ERO1B: variants seen among roughly 807,000 people sequenced by gnomAD.
ERO1B encodes the protein ERO1-like protein beta.
Under a neutral mutation model 75.3 loss-of-function variants are expected in ERO1B, and 49 were observed. The ratio of observed to expected loss-of-function variants is 0.65; its 90% CI spans 0.52 to 0.83. The LOEUF (loss-of-function observed/expected upper bound fraction) is 0.83. Among genes scored for constraint, ERO1B ranks in the 40% least tolerant of loss-of-function variants. The probability of loss-of-function intolerance (pLI) is 0.00; values close to 1 mark genes in which losing one functional copy is unlikely to be tolerated. For synonymous variants in ERO1B, 191 were observed against 192.9 expected (o/e 0.99, Z 0.08); for missense variants, 512 against 560.1 (o/e 0.91, Z 0.87).
chr1:236,271,002 A>G (rs376400906), intron 1 of ERO1B, among the ~76,000 whole-genome samples: 47 of 152,294 alleles, frequency 3.1e-4, no homozygotes, highest in African/African-American at 1.1e-3. Flanking sequence ...ATAAAATTAT[A>G]TGGAACTAAT....
chr1:236,228,651 C>A (rs1664330930), intron 10 of ERO1B, among the ~76,000 whole-genome samples: 1 of 152,206 alleles, frequency 6.6e-6, no homozygotes, highest in Non-Finnish European at 1.5e-5. Context: ...AAAGGGGTTG[C>A]ATTTACTGTA....
At chr1:236,280,115 C>T (rs1257285562) in intron 1 of ERO1B, among the ~76,000 whole-genome samples, 1 of 151,796 alleles carries the variant, frequency 6.6e-6, no homozygotes, top group East Asian at 1.9e-4. Flanking sequence ...TAGTCCCCAT[C>T]TCTACACAAG....
chr1:236,264,688 A>G (rs527738899), intron 2 of ERO1B, among the ~76,000 whole-genome samples: 1 of 152,080 alleles, frequency 6.6e-6, no homozygotes, highest in East Asian at 1.9e-4. Flanking sequence ...TACTATAAAT[A>G]TAAAAATTAG....
intron 2 of ERO1B, 101 bp downstream of exon 2, chr1:236,269,774 T>C: frequency 2.3e-6 from 2 of 860,614 alleles, no homozygotes; most frequent in Non-Finnish European, 3.6e-6. Context: ...ATGAAAGATA[T>C]ACACAAGGTG....
intron 2 of ERO1B, among the ~76,000 whole-genome samples, chr1:236,258,851 T>C (rs1665227523): frequency 6.6e-6 from 1 of 152,186 alleles, no homozygotes; most frequent in Non-Finnish European, 1.5e-5. Context: ...ATCGTGCCAC[T>C]GCACTCCAGC....
At position 236,221,911 on chromosome 1, in the gene ERO1B, A is replaced by G. The variant is rs1250970351; in HGVS notation, c.1209+13T>C. 4 of 1,599,142 alleles carry G rather than the reference A, an allele frequency of 2.5e-6. No individual in the cohort carries two copies. The highest frequency in any genetic ancestry group is 2.2e-5 in the East Asian group (1 of 44,756). On this transcript the variant is annotated intron_variant, in intron 14 of 15. Transcript: ENST00000354619. Reference sequence around the variant, plus strand: ...GTTAGTAATGGCTTCAAAAGAGAAGACAACACATATACCTGTAATTTTCCC... The same window carrying G: ...GTTAGTAATGGCTTCAAAAGAGAAGGCAACACATATACCTGTAATTTTCCC...
At chr1:236,243,361 A>G in intron 6 of ERO1B, 61 bp downstream of exon 6, 3 of 1,177,312 alleles carry the variant, frequency 2.5e-6, no homozygotes, top group Non-Finnish European at 2.4e-6. Context: ...TTCATTGATT[A>G]AAATGTCTTA....
Position 236,228,883 on chromosome 1 carries a change from G to C in ERO1B, c.712+1341C>G, listed in dbSNP as rs139151306. Among the ~76,000 whole-genome samples the C allele has an allele frequency of 2.9e-3, 434 of 152,258 alleles. 1 individual carries two copies. Among genetic ancestry groups the C allele is most frequent in the Non-Finnish European group, 4.5e-3 (308 of 68,022 alleles). ...CTCAAAACAGTAAGACTGGAAGAAT[G>C]GTTGATATAATATACATAGAATCCA... On this transcript the variant is annotated intron_variant, in intron 10 of 15. Transcript: ENST00000354619.
intron 3 of ERO1B, 137 bp from the exon 4 acceptor site, chr1:236,252,228 TTG>T (rs1665047243): frequency 1.6e-6 from 1 of 624,562 alleles, no homozygotes. Flanking sequence ...CTCACTCAAA[TTG>T]TGTTTTCACA....
At chr1:236,241,894 C>T (rs1664713829) in intron 6 of ERO1B, among the ~76,000 whole-genome samples, 2 of 151,806 alleles carry the variant, frequency 1.3e-5, no homozygotes, top group Non-Finnish European at 2.9e-5. Flanking sequence ...TGGTGAAACC[C>T]CGTCTCTACT....
At chr1:236,230,064 A>G (rs1043788580) in intron 10 of ERO1B, among the ~76,000 whole-genome samples, 160 bp downstream of exon 10, 4 of 152,188 alleles carry the variant, frequency 2.6e-5, no homozygotes, top group African/African-American at 9.7e-5. Flanking sequence ...CAAACTTTTC[A>G]CATAATTTTA....
chr1:236,243,385 G>A, intron 6 of ERO1B, 37 bp downstream of exon 6: 1 of 1,349,954 alleles, frequency 7.4e-7, no homozygotes, highest in African/African-American at 1.5e-5. Context: ...AAGGGTTAAA[G>A]TTAAAATAAT....
intron 2 of ERO1B, among the ~76,000 whole-genome samples, chr1:236,255,359 T>A (rs1665137620): frequency 6.6e-6 from 1 of 152,174 alleles, no homozygotes; most frequent in African/African-American, 2.4e-5. Flanking sequence ...AGACCATTCC[T>A]GGCCAGGCTT....
chr1:236,224,059 ATAT>A (rs1664221500), intron 13 of ERO1B, among the ~76,000 whole-genome samples: 1 of 152,184 alleles, frequency 6.6e-6, no homozygotes, highest in East Asian at 1.9e-4. Flanking sequence ...CATGTACTGT[ATAT>A]TATGAAACAT....
intron 2 of ERO1B, among the ~76,000 whole-genome samples, chr1:236,262,075 G>A (rs1251498603): frequency 6.6e-6 from 1 of 152,200 alleles, no homozygotes; most frequent in Non-Finnish European, 1.5e-5. Context: ...CACTGTGATT[G>A]CAAAATATAT....
At chr1:236,256,739 A>T (rs1558517900) in intron 2 of ERO1B, among the ~76,000 whole-genome samples, 2 of 152,180 alleles carry the variant, frequency 1.3e-5, no homozygotes, top group Admixed American at 1.3e-4. Context: ...CATGAAAATA[A>T]TTTTTGAACA....
At position 236,218,509 on chromosome 1, in the gene ERO1B, G is replaced by A. The variant is rs375433308; in HGVS notation, c.*7C>T. On this transcript the variant is annotated 3_prime_UTR_variant, in exon 16 of 16. Coordinates refer to ENST00000354619, the MANE Select transcript of ERO1B (RefSeq NM_019891.4). ...TATGTCTCTAGTTAGACACATAAAA[G>A]CCTTTATTACCTACTGTGTTGTAAT... 1 of 1,434,852 alleles carries A rather than the reference G, an allele frequency of 7.0e-7. No homozygotes were observed. The highest frequency in any genetic ancestry group is 2.7e-5 in the Admixed American group (1 of 37,338). The allele number at this position is 1,434,852 out of a possible 1,614,324, so 88.9% of individuals were successfully genotyped here.
At chr1:236,257,269 G>A (rs1375002170) in intron 2 of ERO1B, among the ~76,000 whole-genome samples, 1 of 152,144 alleles carries the variant, frequency 6.6e-6, no homozygotes, top group African/African-American at 2.4e-5. Context: ...GACTAGAGAA[G>A]GTAGTTCTTT....
At position 236,218,017 on chromosome 1, in the gene ERO1B, A is replaced by G. The variant is rs552670307; in HGVS notation, c.*499T>C. 6.6e-6 allele frequency: 1 copy of G among 152,266 alleles called. No individual in the cohort carries two copies. Among genetic ancestry groups the G allele is most frequent in the African/African-American group, 2.4e-5 (1 of 41,568 alleles). The allele number at this position is 152,266 out of a possible 1,614,324, so 9.4% of individuals were successfully genotyped here. A position where few individuals can be genotyped will look rare whatever the true frequency, so the allele number is the denominator to read the frequency against. ...TTCCAGATTCTAGAAATATTATAGT[A>G]TTTCTTTATATTATAGAAAGTGACA... On this transcript the variant is annotated 3_prime_UTR_variant, in exon 16 of 16. Transcript: ENST00000354619.
Sources: gnomAD v4.1 joint callset for allele counts (sites outside exome capture counted in the v4.1 genomes callset) on GRCh38, gnomAD v4.1.1 for gene constraint, MANE v1.5 for transcripts, NCBI Gene and HGNC (gene_info 2026-07-23, HGNC 2026-07-21) for gene names.